Variants in CALN1 observed in about 807,000 individuals in gnomAD.
The protein encoded by CALN1 is calneuron 1, also known as calcium-binding protein 8.
A neutral mutation model predicts 30.6 loss-of-function variants in CALN1; 17 were observed. That is an observed-to-expected ratio of 0.56 (90% CI 0.38 to 0.83). The LOEUF is 0.83. Among genes scored for constraint, CALN1 ranks in the 40% least tolerant of loss-of-function variants. The probability of loss-of-function intolerance (pLI) is 0.00; values close to 1 mark genes in which losing one functional copy is unlikely to be tolerated. For missense variants in CALN1, 291 were observed against 354.9 expected, an observed-to-expected ratio of 0.82 and a Z score of 1.45; for synonymous variants, 156 against 131.4, an observed-to-expected ratio of 1.19 and a Z score of -1.28.
chr7:72,113,931 C>G (rs1254672067), intron 3 of CALN1, among the ~76,000 whole-genome samples: 1 of 152,028 alleles, frequency 6.6e-6, no homozygotes, highest in Non-Finnish European at 1.5e-5. Flanking sequence ...GAGGCTGTCA[C>G]AGAGTCTAAG....
chr7:71,977,035 A>T lies in CALN1; in HGVS notation c.501+46622T>A, dbSNP rs1584659518. 2.0e-5 allele frequency among the ~76,000 whole-genome samples: 3 copies of T among 152,320 alleles called. No homozygotes were observed. The South Asian group carries it at 6.2e-4, about 32-fold the overall frequency. On this transcript the variant is annotated intron_variant, in intron 5 of 6. Transcript: ENST00000395275. Reference sequence around the variant, plus strand: ...TACTGCCTTGAAGCCAACCACAAACAGACGAATTTGATCTTGACACTTCTG... The same window carrying T: ...TACTGCCTTGAAGCCAACCACAAACTGACGAATTTGATCTTGACACTTCTG...
At chr7:72,066,907 C>T (rs558300134) in intron 4 of CALN1, among the ~76,000 whole-genome samples, 1 of 152,092 alleles carries the variant, frequency 6.6e-6, no homozygotes, top group South Asian at 2.1e-4. Context: ...TCAGCCTCCC[C>T]AGCAGCTGGG....
At chr7:71,854,805 G>A (rs975291208) in intron 5 of CALN1, among the ~76,000 whole-genome samples, 1 of 152,116 alleles carries the variant, frequency 6.6e-6, no homozygotes, top group Non-Finnish European at 1.5e-5. Context: ...CAGAAGCTTC[G>A]GGCTCATTTC....
intron 2 of CALN1, among the ~76,000 whole-genome samples, chr7:72,403,028 G>A (rs1317207545): frequency 3.9e-5 from 6 of 152,142 alleles, no homozygotes; most frequent in Non-Finnish European, 5.9e-5. Context: ...GAGTCAGTTT[G>A]CAAACCCATC....
chr7:72,191,236 C>T (rs1790576598), intron 3 of CALN1, among the ~76,000 whole-genome samples: 1 of 152,234 alleles, frequency 6.6e-6, no homozygotes, highest in Non-Finnish European at 1.5e-5. Context: ...TTGGATCCTA[C>T]AAGATGAACA....
intron 5 of CALN1, among the ~76,000 whole-genome samples, chr7:71,943,684 C>T (rs1198554023): frequency 6.6e-6 from 1 of 152,092 alleles, no homozygotes; most frequent in South Asian, 2.1e-4. Context: ...TCAGGTCATT[C>T]ACCCACCTCG....
At chr7:72,134,713 G>A (rs565539516) in intron 3 of CALN1, among the ~76,000 whole-genome samples, 2 of 152,300 alleles carry the variant, frequency 1.3e-5, no homozygotes, top group East Asian at 3.9e-4. Context: ...GGTGGTTGCT[G>A]AAGTCTGAGG....
the CALN1 span, among the ~76,000 whole-genome samples, chr7:72,491,901 C>T: frequency 2.6e-5 from 4 of 152,152 alleles, no homozygotes; most frequent in Non-Finnish European, 5.9e-5. Flanking sequence ...ATTCAAGATG[C>T]CATAAGTTAT....
In CALN1 at chr7:71,818,191, G is replaced by A. The variant is rs1202214467; in HGVS notation, c.502-7699C>T. 2.0e-5 allele frequency among the ~76,000 whole-genome samples: 3 copies of A among 152,226 alleles called. No homozygotes were observed. In the East Asian group the frequency reaches 5.8e-4, roughly 30 times the overall value. The stretch of plus-strand genomic sequence containing the variant: ...ATGTCTTGGCACCACCTGGTTGGGG[G>A]TGAAGGGTGGGTCAGAGGGGGCTTT... On this transcript the variant is annotated intron_variant, in intron 5 of 6. Coordinates refer to ENST00000395275, the MANE Select transcript of CALN1 (RefSeq NM_031468.4).
chr7:72,125,513 T>C (rs979774154), intron 3 of CALN1, among the ~76,000 whole-genome samples: 18 of 152,196 alleles, frequency 1.2e-4, no homozygotes, highest in Non-Finnish European at 4.4e-5. Flanking sequence ...AGAAAAGTGA[T>C]AAATGCTACA....
intron 4 of CALN1, among the ~76,000 whole-genome samples, chr7:72,060,003 T>TTA (rs1458224248): frequency 6.6e-6 from 1 of 152,074 alleles, no homozygotes; most frequent in Non-Finnish European, 1.5e-5. Flanking sequence ...AGCAAAGAGT[T>TTA]TGCTACAGTT....
intron 5 of CALN1, among the ~76,000 whole-genome samples, chr7:71,831,190 A>G (rs1789254339): frequency 1.3e-5 from 2 of 152,000 alleles, no homozygotes; most frequent in South Asian, 4.2e-4. Context: ...CTAATGATAA[A>G]AAGAATAGGG....
rs572645652 is a variant in CALN1, at chr7:72,264,277, TTC to T, written c.244+14407_244+14408del. Among the ~76,000 whole-genome samples, 539 of 152,208 alleles carry T rather than the reference TTC, an allele frequency of 3.5e-3. 2 individuals carry two copies. The highest frequency in any genetic ancestry group is 0.012 in the African/African-American group (494 of 41,476). ...TCTGTTTCTGCTTTCCTCAGCCCTT[TTC>T]TGTCTATAAAACCAAACTTCTCTGC... On this transcript the variant is annotated intron_variant, in intron 3 of 6. Coordinates refer to ENST00000395275, the MANE Select transcript of CALN1 (RefSeq NM_031468.4).
chr7:72,327,265 G>A (rs2944826), intron 2 of CALN1, among the ~76,000 whole-genome samples: 111,450 of 152,100 alleles, frequency 0.73, 43,736 homozygotes, highest in Non-Finnish European at 0.88. Context: ...AGGCTGAGGC[G>A]GGAGAATCAC....
At chr7:72,140,884 GCGC>G in intron 3 of CALN1, among the ~76,000 whole-genome samples, 1 of 152,232 alleles carries the variant, frequency 6.6e-6, no homozygotes, top group Admixed American at 6.5e-5. Context: ...CCAGCCCAGG[GCGC>G]TGGGGCCTTG....
chr7:71,825,850 CGGT>C (rs1485721520), intron 5 of CALN1, among the ~76,000 whole-genome samples: 1 of 151,634 alleles, frequency 6.6e-6, no homozygotes, highest in East Asian at 1.9e-4. Flanking sequence ...CTGACCAACA[CGGT>C]GAAACCCTGT....
intron 2 of CALN1, among the ~76,000 whole-genome samples, chr7:72,320,609 C>T (rs961528308): frequency 4.0e-5 from 6 of 151,894 alleles, no homozygotes; most frequent in Non-Finnish European, 8.8e-5. Context: ...CCGCGGTGGT[C>T]GGATCAATTG....
chr7:72,192,059 C>T (rs1790648212), intron 3 of CALN1, among the ~76,000 whole-genome samples: 1 of 152,150 alleles, frequency 6.6e-6, no homozygotes, highest in Non-Finnish European at 1.5e-5. Flanking sequence ...GGCGTACGGC[C>T]CCTTCCTCCG....
intron 4 of CALN1, among the ~76,000 whole-genome samples, chr7:72,104,575 T>C (rs1160722975): frequency 6.6e-6 from 1 of 152,072 alleles, no homozygotes; most frequent in Non-Finnish European, 1.5e-5. Context: ...GGCCCCAGTG[T>C]GTTGTTCCCC....
Sources: gnomAD v4.1 joint callset for allele counts (sites outside exome capture counted in the v4.1 genomes callset) on GRCh38, gnomAD v4.1.1 for gene constraint, MANE v1.5 for transcripts, NCBI Gene and HGNC (gene_info 2026-07-23, HGNC 2026-07-21) for gene names.